GRM7: variants seen among roughly 807,000 people sequenced by gnomAD.
GRM7 encodes the protein glutamate metabotropic receptor 7, also known as metabotropic glutamate receptor 7.
In GRM7, 35 loss-of-function variants were observed where a neutral mutation model predicts 84.5. The observed-to-expected ratio is 0.41, with a 90% confidence interval of 0.32 to 0.55. The LOEUF is 0.55. Among genes scored for constraint, GRM7 ranks in the 20% least tolerant of loss-of-function variants. The pLI, the probability that GRM7 is intolerant of heterozygous loss-of-function variation, is 0.19. For synonymous variants in GRM7, 487 were observed against 455.1 expected (o/e 1.07, Z -0.89); for missense variants, 1,003 against 1,194.6 (o/e 0.84, Z 2.36).
intron 8 of GRM7, among the ~76,000 whole-genome samples, chr3:7,624,409 C>T (rs1453526699): frequency 6.6e-6 from 1 of 152,162 alleles, no homozygotes. Context: ...TCCAAAACTA[C>T]AGGTCACTTA....
At chr3:6,868,504 G>T (rs1007815147) in intron 1 of GRM7, among the ~76,000 whole-genome samples, 2 of 152,128 alleles carry the variant, frequency 1.3e-5, no homozygotes, top group African/African-American at 4.8e-5. Context: ...TATACAACAA[G>T]TAGCCCCGTA....
At chr3:7,090,475 A>G (rs573577929) in intron 1 of GRM7, among the ~76,000 whole-genome samples, 4 of 152,292 alleles carry the variant, frequency 2.6e-5, no homozygotes, top group South Asian at 4.1e-4. Flanking sequence ...GAATATTCCC[A>G]CACAGTGATG....
At chr3:7,021,150 C>T (rs1695761053) in intron 1 of GRM7, among the ~76,000 whole-genome samples, 1 of 152,126 alleles carries the variant, frequency 6.6e-6, no homozygotes, top group Non-Finnish European at 1.5e-5. Context: ...AATGATGCCC[C>T]TTAAATTGAT....
intron 1 of GRM7, among the ~76,000 whole-genome samples, chr3:6,984,205 A>C (rs2124839092): frequency 6.6e-6 from 1 of 152,374 alleles, no homozygotes; most frequent in South Asian, 2.1e-4. Flanking sequence ...TGGAGGCCGT[A>C]GAAACTTGTT....
At chr3:7,207,594 G>C (rs909021664) in intron 2 of GRM7, among the ~76,000 whole-genome samples, 4 of 152,136 alleles carry the variant, frequency 2.6e-5, no homozygotes, top group African/African-American at 9.7e-5. Flanking sequence ...GATACAAGGG[G>C]AGAGAGAAGC....
chr3:7,326,943 T>C (rs1235826787), intron 4 of GRM7, among the ~76,000 whole-genome samples: 1 of 152,218 alleles, frequency 6.6e-6, no homozygotes, highest in Non-Finnish European at 1.5e-5. Flanking sequence ...ATCAAAATTA[T>C]ATTTAAATAC....
chr3:7,509,157 TATC>T (rs772812157), intron 7 of GRM7, among the ~76,000 whole-genome samples: 6 of 152,106 alleles, frequency 3.9e-5, no homozygotes, highest in Non-Finnish European at 7.4e-5. Context: ...CGATCTCAGT[TATC>T]ATATCAACAA....
intron 7 of GRM7, among the ~76,000 whole-genome samples, chr3:7,470,521 C>A (rs546053078): frequency 6.6e-6 from 1 of 152,240 alleles, no homozygotes; most frequent in African/African-American, 2.4e-5. Context: ...CTATGAATGT[C>A]TGCAAGATTA....
intron 7 of GRM7, among the ~76,000 whole-genome samples, chr3:7,482,817 A>C (rs760318383): frequency 2.0e-5 from 3 of 152,214 alleles, no homozygotes; most frequent in Non-Finnish European, 4.4e-5. Flanking sequence ...CTAGGGAAAG[A>C]CTAAGGATGT....
intron 9 of GRM7, among the ~76,000 whole-genome samples, chr3:7,684,535 T>C (rs1385897776): frequency 1.3e-5 from 2 of 152,218 alleles, no homozygotes; most frequent in African/African-American, 4.8e-5. Context: ...ATGCTTCTAC[T>C]CATCCAACTC....
intron 4 of GRM7, among the ~76,000 whole-genome samples, chr3:7,386,855 C>T (rs1405346517): frequency 6.6e-6 from 1 of 152,200 alleles, no homozygotes; most frequent in Non-Finnish European, 1.5e-5. Context: ...CTACTTTCCA[C>T]AGTGGCTGAG....
chr3:6,861,232 C>T lies in GRM7; in HGVS notation c.-157C>T, dbSNP rs1355152151. 1.7e-6 allele frequency: 1 copy of T among 586,798 alleles called. No homozygotes were observed. The highest frequency in any genetic ancestry group is 2.7e-6 in the Non-Finnish European group (1 of 373,874). 36.3% of individuals were successfully genotyped at this position (586,798 alleles called of 1,614,324 possible). On this transcript the variant is annotated 5_prime_UTR_variant, in exon 1 of 10. Transcript: ENST00000357716. The surrounding 1 kb of genome is among the most constrained non-coding windows in gnomAD (Gnocchi z 6.4). ...CTGGCAGGCGCCGCGGGACCCCTCA[C>T]CCTCTCTGGTCGCCCCTCCCCGGAT...
intron 1 of GRM7, among the ~76,000 whole-genome samples, chr3:7,036,129 A>T (rs1180004690): frequency 6.6e-6 from 1 of 152,146 alleles, no homozygotes; most frequent in African/African-American, 2.4e-5. Context: ...CTCCAAACCA[A>T]TTGTTCTTAC....
intron 4 of GRM7, among the ~76,000 whole-genome samples, chr3:7,322,272 A>G (rs1280914492): frequency 1.3e-5 from 1 of 76,020 alleles, no homozygotes; most frequent in Non-Finnish European, 2.6e-5. Context: ...TCATAGATTA[A>G]AAAATGAATA....
At chr3:6,948,455 G>T (rs924706805) in intron 1 of GRM7, among the ~76,000 whole-genome samples, 6 of 152,170 alleles carry the variant, frequency 3.9e-5, no homozygotes, top group African/African-American at 1.4e-4. Context: ...TACATTTGCT[G>T]AGGAGTGCTT....
intron 1 of GRM7, among the ~76,000 whole-genome samples, chr3:7,061,662 A>G (rs1183957517): frequency 6.6e-6 from 1 of 151,742 alleles, no homozygotes; most frequent in East Asian, 1.9e-4. Flanking sequence ...AAATAGTAAC[A>G]CTTGACCTGG....
chr3:7,640,301 C>A (rs1167011265), intron 8 of GRM7, among the ~76,000 whole-genome samples: 1 of 152,118 alleles, frequency 6.6e-6, no homozygotes, highest in Non-Finnish European at 1.5e-5. Flanking sequence ...TGTTCTATAG[C>A]AATGAGGGTT....
intron 1 of GRM7, among the ~76,000 whole-genome samples, chr3:6,891,103 T>C (rs1212698715): frequency 6.6e-6 from 1 of 152,164 alleles, no homozygotes; most frequent in Non-Finnish European, 1.5e-5. Context: ...TCCTCCATCC[T>C]TTTATTTTGA....
chr3:6,976,982 G>C (rs1694023781), intron 1 of GRM7, among the ~76,000 whole-genome samples: 1 of 152,132 alleles, frequency 6.6e-6, no homozygotes, highest in African/African-American at 2.4e-5. Context: ...TCAGTGCAGA[G>C]GCTTGGGTTA....
Sources: gnomAD v4.1 joint callset for allele counts (sites outside exome capture counted in the v4.1 genomes callset) on GRCh38, gnomAD v4.1.1 for gene constraint, Gnocchi (gnomAD v3.1) non-coding constraint, MANE v1.5 for transcripts, NCBI Gene and HGNC (gene_info 2026-07-23, HGNC 2026-07-21) for gene names.